The following PTPRD variants were observed in gnomAD, a reference collection of about 807,000 sequenced individuals.
PTPRD encodes receptor-type tyrosine-protein phosphatase delta.
In PTPRD, 34 loss-of-function variants were observed where a neutral mutation model predicts 214.5. That is an observed-to-expected ratio of 0.16 (90% CI 0.12 to 0.21). The LOEUF is 0.21. Among genes scored for constraint, PTPRD ranks in the 10% least tolerant of loss-of-function variants. The probability of loss-of-function intolerance (pLI) is 1.00; values close to 1 mark genes in which losing one functional copy is unlikely to be tolerated. For missense variants in PTPRD, 2,545 were observed against 2,398.7 expected, an observed-to-expected ratio of 1.06 and a Z score of -1.27; for synonymous variants, 1,128 against 845.7, an observed-to-expected ratio of 1.33 and a Z score of -5.79.
chr9:10,605,242 C>T (rs1326793645), intron 2 of PTPRD, among the ~76,000 whole-genome samples: 1 of 151,712 alleles, frequency 6.6e-6, no homozygotes, highest in African/African-American at 2.4e-5. Context: ...CCTGAGAAAA[C>T]CAAAGCACTT....
chr9:9,808,774 T>C (rs2046228445), intron 5 of PTPRD, among the ~76,000 whole-genome samples: 1 of 152,112 alleles, frequency 6.6e-6, no homozygotes, highest in African/African-American at 2.4e-5. Flanking sequence ...AGTTTAATTT[T>C]TACTTAATTA....
intron 3 of PTPRD, among the ~76,000 whole-genome samples, chr9:10,161,572 A>C (rs1309528146): frequency 6.6e-6 from 1 of 151,814 alleles, no homozygotes; most frequent in Non-Finnish European, 1.5e-5. Flanking sequence ...ATCTTAATCG[A>C]AGACTTGAAA....
chr9:9,283,840 T>G (rs1012199129), intron 9 of PTPRD, among the ~76,000 whole-genome samples: 6 of 151,716 alleles, frequency 4.0e-5, no homozygotes, highest in Admixed American at 2.0e-4. Flanking sequence ...ACTGAATAAT[T>G]CTGAGTACCT....
chr9:9,818,052 C>T (rs1273390394), intron 5 of PTPRD, among the ~76,000 whole-genome samples: 2 of 152,158 alleles, frequency 1.3e-5, no homozygotes, highest in African/African-American at 4.8e-5. Flanking sequence ...CTTTGGTTCT[C>T]TCACAGTGGC....
chr9:9,226,238 G>T (rs1214146705), intron 9 of PTPRD, among the ~76,000 whole-genome samples: 1 of 151,650 alleles, frequency 6.6e-6, no homozygotes, highest in Non-Finnish European at 1.5e-5. Context: ...GTAGGCAGTG[G>T]TCTGTTTCTC....
At chr9:10,463,571 C>G (rs1336743465) in intron 2 of PTPRD, among the ~76,000 whole-genome samples, 1 of 151,992 alleles carries the variant, frequency 6.6e-6, no homozygotes, top group Non-Finnish European at 1.5e-5. Flanking sequence ...TCACAATGAC[C>G]TCAGTACAAT....
At chr9:10,559,927 A>G (rs932720401) in intron 2 of PTPRD, among the ~76,000 whole-genome samples, 19 of 152,026 alleles carry the variant, frequency 1.2e-4, no homozygotes, top group Admixed American at 6.6e-4. Context: ...TGGAGAGGAT[A>G]TGGAGAAATA....
At chr9:10,101,812 T>C (rs981379281) in intron 3 of PTPRD, among the ~76,000 whole-genome samples, 15 of 151,728 alleles carry the variant, frequency 9.9e-5, no homozygotes, top group Non-Finnish European at 1.9e-4. Flanking sequence ...TGCGGTATAT[T>C]AGAGGCCACA....
At chr9:8,318,064 C>A in intron 45 of PTPRD, 122 bp from the exon 46 acceptor site, 1 of 840,230 alleles carries the variant, frequency 1.2e-6, no homozygotes. Context: ...TCACTACTTT[C>A]GTCAACTGGT....
At chr9:9,582,660 AG>A (rs1405038215) in intron 7 of PTPRD, among the ~76,000 whole-genome samples, 12 of 152,226 alleles carry the variant, frequency 7.9e-5, no homozygotes, top group Middle Eastern at 3.4e-3. Context: ...TATTTTTAAA[AG>A]TTCCTTACAT....
Position 9,261,369 on chromosome 9 carries a change from T to G in PTPRD, c.-202-78006A>C, listed in dbSNP as rs1299960936. ...TCTTTTATTCCGATTTTAATGTCCT[T>G]GAATATTAACATTCTCAAACTTGTA... On this transcript the variant is annotated intron_variant, in intron 9 of 45. Coordinates refer to ENST00000381196, the MANE Select transcript of PTPRD (RefSeq NM_002839.4). Among the ~76,000 whole-genome samples, 5 of 152,026 alleles carry G rather than the reference T, an allele frequency of 3.3e-5. No individual in the cohort carries two copies. In the South Asian group the frequency reaches 1.0e-3, roughly 31 times the overall value.
chr9:9,686,508 CT>C (rs1348653412), intron 7 of PTPRD, among the ~76,000 whole-genome samples: 13 of 151,272 alleles, frequency 8.6e-5, no homozygotes, highest in African/African-American at 2.9e-4. Flanking sequence ...TAGATATTAT[CT>C]ATTCACAGAT....
chr9:10,042,200 A>G (rs577836915), intron 3 of PTPRD, among the ~76,000 whole-genome samples: 1 of 151,876 alleles, frequency 6.6e-6, no homozygotes, highest in Non-Finnish European at 1.5e-5. Flanking sequence ...CCCCCTTTTC[A>G]CCTGTTCAGC....
intron 10 of PTPRD, among the ~76,000 whole-genome samples, chr9:9,131,273 T>C (rs1230503152): frequency 3.3e-5 from 5 of 152,220 alleles, no homozygotes; most frequent in Admixed American, 3.3e-4. Context: ...GATTTTAGTA[T>C]GAAAACTTTT....
intron 8 of PTPRD, among the ~76,000 whole-genome samples, chr9:9,443,257 A>AAATT (rs2088958070): frequency 6.6e-6 from 1 of 152,104 alleles, no homozygotes; most frequent in South Asian, 2.1e-4. Context: ...ATAAATAAAT[A>AAATT]AATAACAGCA....
chr9:10,566,337 G>A (rs915118303), intron 2 of PTPRD, among the ~76,000 whole-genome samples: 2 of 151,910 alleles, frequency 1.3e-5, no homozygotes, highest in Admixed American at 1.3e-4. Context: ...TCTATAGAAT[G>A]TCTTAGTATT....
intron 3 of PTPRD, among the ~76,000 whole-genome samples, chr9:10,134,678 C>G (rs2098929111): frequency 6.6e-6 from 1 of 151,922 alleles, no homozygotes; most frequent in African/African-American, 2.4e-5. Flanking sequence ...ACACCACAGT[C>G]AAACTCTTAA....
chr9:9,164,866 A>G (rs909227529), intron 10 of PTPRD, among the ~76,000 whole-genome samples: 1 of 149,432 alleles, frequency 6.7e-6, no homozygotes, highest in African/African-American at 2.5e-5. Flanking sequence ...AAAACAAAAC[A>G]AAACAAAACA....
intron 10 of PTPRD, among the ~76,000 whole-genome samples, chr9:9,060,489 G>C (rs1241941905): frequency 6.6e-6 from 1 of 152,014 alleles, no homozygotes; most frequent in Non-Finnish European, 1.5e-5. Context: ...TAAAAAATTA[G>C]ATTAATTTAA....
Sources: allele counts gnomAD v4.1 joint callset (sites outside exome capture counted in the v4.1 genomes callset), GRCh38; gene constraint gnomAD v4.1.1; transcripts MANE v1.5; gene names NCBI Gene and HGNC (gene_info 2026-07-23, HGNC 2026-07-21).